Variants in IMMP2L observed in about 807,000 individuals in gnomAD.
IMMP2L encodes the protein inner mitochondrial membrane peptidase subunit 2, also known as mitochondrial inner membrane protease subunit 2.
Under a neutral mutation model 19.3 loss-of-function variants are expected in IMMP2L, and 18 were observed. The observed-to-expected ratio is 0.93, with a 90% CI of 0.64 to 1.38. The LOEUF (loss-of-function observed/expected upper bound fraction) is 1.38, where lower values mean the gene tolerates loss of function less well. IMMP2L is among the 40% of genes most tolerant of loss of function. IMMP2L has a pLI of 0.00. For synonymous variants in IMMP2L, 76 were observed against 73.0 expected (o/e 1.04, Z -0.21); for missense variants, 233 against 218.2 (o/e 1.07, Z -0.43).
At chr7:110,933,074 A>C (rs1374448382) in intron 4 of IMMP2L, among the ~76,000 whole-genome samples, 1 of 152,234 alleles carries the variant, frequency 6.6e-6, no homozygotes, top group African/African-American at 2.4e-5. Flanking sequence ...AACGACAGCT[A>C]TATTAACTTT....
rs538263246 is a variant in IMMP2L, at chr7:111,419,184, A to T, written c.239+68054T>A. On this transcript the variant is annotated intron_variant, in intron 3 of 5. Transcript: ENST00000405709. Reference sequence around the variant, plus strand: ...AATGTTATTCCAATATATGAAGAATATATTGGCAGACAAGACTAAAAAATT... The same window carrying T: ...AATGTTATTCCAATATATGAAGAATTTATTGGCAGACAAGACTAAAAAATT... 2.6e-5 allele frequency among the ~76,000 whole-genome samples: 4 copies of T among 151,882 alleles called. No homozygotes were observed. The South Asian group carries it at 8.3e-4, about 32-fold the overall frequency.
chr7:111,032,086 G>T lies in IMMP2L; in HGVS notation c.240-68521C>A, dbSNP rs1373542204. Among the ~76,000 whole-genome samples, 5 of 152,142 alleles carry T rather than the reference G, an allele frequency of 3.3e-5. No homozygotes were observed. The South Asian group carries it at 6.2e-4, about 19-fold the overall frequency. On this transcript the variant is annotated intron_variant, in intron 3 of 5. Transcript: ENST00000405709. Reference sequence around the variant, plus strand: ...CCCAAGTAGCTGGAACGACAAGTGGGCATGACCATGCCTGGCTAATTTTTT... The same window carrying T: ...CCCAAGTAGCTGGAACGACAAGTGGTCATGACCATGCCTGGCTAATTTTTT...
intron 5 of IMMP2L, among the ~76,000 whole-genome samples, chr7:110,804,459 C>T (rs1046268417): frequency 6.6e-6 from 1 of 151,948 alleles, no homozygotes; most frequent in African/African-American, 2.4e-5. Context: ...GTGGGATTGA[C>T]TAAAACCAAT....
At chr7:110,938,647 G>T (rs1419503039) in intron 4 of IMMP2L, among the ~76,000 whole-genome samples, 1 of 151,986 alleles carries the variant, frequency 6.6e-6, no homozygotes, top group African/African-American at 2.4e-5. Flanking sequence ...TTCAATATTT[G>T]GGCGATGGGT....
At chr7:110,993,921 G>A (rs1822751467) in intron 3 of IMMP2L, among the ~76,000 whole-genome samples, 2 of 151,968 alleles carry the variant, frequency 1.3e-5, no homozygotes, top group African/African-American at 2.4e-5. Context: ...CCCATCTGAA[G>A]GAGTCTGCCT....
chr7:111,016,219 T>C (rs369724624), intron 3 of IMMP2L, among the ~76,000 whole-genome samples: 1 of 151,380 alleles, frequency 6.6e-6, no homozygotes, highest in Non-Finnish European at 1.5e-5. Context: ...CTAAAAGCCT[T>C]GTGTTTCATC....
chr7:111,174,181 C>T (rs553632861), intron 3 of IMMP2L, among the ~76,000 whole-genome samples: 10 of 151,680 alleles, frequency 6.6e-5, no homozygotes, highest in Non-Finnish European at 1.5e-4. Context: ...AGTGAACTGG[C>T]TATAACCACA....
At chr7:111,005,245 G>C (rs936539561) in intron 3 of IMMP2L, among the ~76,000 whole-genome samples, 12 of 152,138 alleles carry the variant, frequency 7.9e-5, no homozygotes, top group African/African-American at 2.9e-4. Context: ...ATGGCTGTCT[G>C]ACACACACCC....
rs943783770 is a variant in IMMP2L at position 111,394,832 on chromosome 7, T to C, written c.239+92406A>G. The C allele has an allele frequency of 4.5e-5, 10 of 221,756 alleles. No homozygotes were observed. The East Asian group carries it at 6.5e-4, about 14-fold the overall frequency. The allele number at this position is 221,756 out of a possible 1,614,324, so 13.7% of individuals were successfully genotyped here. ...ACTTATTTTTTGTATATTTGTAAAA[T>C]AGTAGTTACATGAAGCAAATAGTAT... On this transcript the variant is annotated intron_variant, in intron 3 of 5. Coordinates refer to ENST00000405709, the MANE Select transcript of IMMP2L (RefSeq NM_032549.4).
chr7:111,147,028 C>T (rs998981642), intron 3 of IMMP2L, among the ~76,000 whole-genome samples: 1 of 152,104 alleles, frequency 6.6e-6, no homozygotes, highest in African/African-American at 2.4e-5. Flanking sequence ...TAGTTTTCTA[C>T]TTTCACATTC....
At chr7:111,309,378 A>G (rs1007752611) in intron 3 of IMMP2L, among the ~76,000 whole-genome samples, 2 of 152,180 alleles carry the variant, frequency 1.3e-5, no homozygotes, top group African/African-American at 4.8e-5. Context: ...TATTATAAGT[A>G]AATGAGCTCA....
intron 5 of IMMP2L, among the ~76,000 whole-genome samples, chr7:110,826,101 G>A (rs1449671425): frequency 6.6e-6 from 1 of 152,142 alleles, no homozygotes; most frequent in Non-Finnish European, 1.5e-5. Flanking sequence ...CATCATCACT[G>A]GCCATCAGAG....
At chr7:110,729,449 CTG>C (rs1796108317) in intron 5 of IMMP2L, among the ~76,000 whole-genome samples, 1 of 152,170 alleles carries the variant, frequency 6.6e-6, no homozygotes, top group South Asian at 2.1e-4. Context: ...ATGGGGGAAA[CTG>C]CCCCCATAAT....
intron 3 of IMMP2L, among the ~76,000 whole-genome samples, chr7:111,210,211 C>A (rs1043160362): frequency 1.3e-5 from 2 of 152,082 alleles, no homozygotes; most frequent in Non-Finnish European, 2.9e-5. Context: ...TAGGAAGAGA[C>A]CCCTGATAGG....
At chr7:111,041,000 T>C (rs919543759) in intron 3 of IMMP2L, among the ~76,000 whole-genome samples, 1 of 152,078 alleles carries the variant, frequency 6.6e-6, no homozygotes, top group African/African-American at 2.4e-5. Context: ...TTAGCTTGCA[T>C]TCACTTACAA....
chr7:111,272,231 A>C (rs970724102), intron 3 of IMMP2L, among the ~76,000 whole-genome samples: 7 of 152,168 alleles, frequency 4.6e-5, no homozygotes, highest in Non-Finnish European at 1.0e-4. Context: ...CCACCTAACT[A>C]TGCTGGCCTT....
chr7:111,352,836 T>C (rs1187413401), intron 3 of IMMP2L, among the ~76,000 whole-genome samples: 2 of 152,178 alleles, frequency 1.3e-5, no homozygotes, highest in African/African-American at 4.8e-5. Context: ...GTAGTCTTAG[T>C]AGACTCTAAT....
rs1796580952 is a variant in IMMP2L, at chr7:111,088,944, T to C, written c.240-125379A>G. Among the ~76,000 whole-genome samples, 2 of 152,126 alleles carry C rather than the reference T, an allele frequency of 1.3e-5. 1 individual carries two copies. Among genetic ancestry groups the C allele is most frequent in the Admixed American group, 1.3e-4 (2 of 15,264 alleles). On this transcript the variant is annotated intron_variant, in intron 3 of 5. Coordinates refer to ENST00000405709, the MANE Select transcript of IMMP2L (RefSeq NM_032549.4). ...TCCTTTTCATCCAAAGCCAGAGTCA[T>C]TTTCTCTTTCACATTAAAATCTCAT...
At position 111,163,114 on chromosome 7, in the gene IMMP2L, G is replaced by A. The variant is rs562073133; in HGVS notation, c.240-199549C>T. ...CCCCAAACTGTTTCCTCAAGGACCT[G>A]AGCGCTCTATGAGATGCAAACATTC... On this transcript the variant is annotated intron_variant, in intron 3 of 5. Coordinates refer to ENST00000405709, the MANE Select transcript of IMMP2L (RefSeq NM_032549.4). 9.2e-5 allele frequency among the ~76,000 whole-genome samples: 14 copies of A among 152,144 alleles called. 1 individual carries two copies. The East Asian group carries it at 2.5e-3, about 27-fold the overall frequency.
Sources: gnomAD v4.1 joint callset for allele counts (sites outside exome capture counted in the v4.1 genomes callset) on GRCh38, gnomAD v4.1.1 for gene constraint, MANE v1.5 for transcripts, NCBI Gene and HGNC (gene_info 2026-07-23, HGNC 2026-07-21) for gene names.